FNDC3B: variants seen among roughly 807,000 people sequenced by gnomAD.
FNDC3B encodes fibronectin type III domain-containing protein 3B.
FNDC3B carries 12 observed loss-of-function variants against 151.5 expected under a neutral mutation model. That is an observed-to-expected ratio of 0.08 (90% CI 0.05 to 0.13). The LOEUF (loss-of-function observed/expected upper bound fraction) is 0.13. Ranked by LOEUF, FNDC3B falls within the 10% of genes least tolerant of loss-of-function variation. The pLI is 1.00. For synonymous variants in FNDC3B, 528 were observed against 549.0 expected, an observed-to-expected ratio of 0.96 and a Z score of 0.54; for missense variants, 1,214 against 1,505.3, an observed-to-expected ratio of 0.81 and a Z score of 3.20.
At chr3:172,351,004 T>G (rs770107451) in intron 21 of FNDC3B, among the ~76,000 whole-genome samples, 4 of 152,244 alleles carry the variant, frequency 2.6e-5, no homozygotes, top group Non-Finnish European at 5.9e-5. Flanking sequence ...GAAAATCTTT[T>G]TGATAACATT....
At chr3:172,166,189 G>T (rs1262808293) in intron 3 of FNDC3B, among the ~76,000 whole-genome samples, 1 of 152,164 alleles carries the variant, frequency 6.6e-6, no homozygotes, top group Non-Finnish European at 1.5e-5. Context: ...CATCGGAATT[G>T]GGAAGGCCAC....
intron 11 of FNDC3B, among the ~76,000 whole-genome samples, chr3:172,324,230 A>G (rs1291769590): frequency 1.3e-5 from 2 of 151,996 alleles, no homozygotes; most frequent in African/African-American, 4.8e-5. Context: ...GGAAGGGCTG[A>G]TCTGATGCAT....
In FNDC3B at chr3:172,050,733, G is replaced by GTGTGTGTATA. The variant is rs397991660; in HGVS notation, c.-29+10963_-29+10964insGTGTGTATAT. ...TGTGTGTGTGTGTGTGTGTGTGTGT[G>GTGTGTGTATA]TATAGTGTGTATATATACTATATAT... On this transcript the variant is annotated intron_variant, in intron 1 of 25. Coordinates refer to ENST00000415807, the MANE Select transcript of FNDC3B (RefSeq NM_022763.4). 2.0e-3 allele frequency among the ~76,000 whole-genome samples: 278 copies of GTGTGTGTATA among 137,904 alleles called. 2 individuals are homozygous for GTGTGTGTATA. The highest frequency in any genetic ancestry group is 0.011 in the East Asian group (53 of 4,688). The allele number at this position is 137,904 out of a possible 152,430, so 90.5% of individuals were successfully genotyped here. A position where few individuals can be genotyped will look rare whatever the true frequency, so the allele number is the denominator to read the frequency against.
At chr3:172,149,405 A>G (rs1442150476) in intron 3 of FNDC3B, among the ~76,000 whole-genome samples, 2 of 152,216 alleles carry the variant, frequency 1.3e-5, no homozygotes, top group Admixed American at 1.3e-4. Context: ...TCCATTGATC[A>G]GGGGTTCAGT....
chr3:172,336,279 C>T (rs1006424841), intron 15 of FNDC3B, among the ~76,000 whole-genome samples: 1 of 152,120 alleles, frequency 6.6e-6, no homozygotes, highest in African/African-American at 2.4e-5. Flanking sequence ...AGGGTACATT[C>T]TTTATAGTTT....
rs1195281476 is a variant in FNDC3B, at chr3:172,239,853, G to GTTTTT, written c.265-7678_265-7677insTTTTT. Among the ~76,000 whole-genome samples, 147 of 65,866 alleles carry GTTTTT rather than the reference G, an allele frequency of 2.2e-3. 8 individuals are homozygous for GTTTTT. The highest frequency in any genetic ancestry group is 7.6e-3 in the African/African-American group (135 of 17,684). The allele number at this position is 65,866 out of a possible 152,430, so 43.2% of individuals were successfully genotyped here. On this transcript the variant is annotated intron_variant, in intron 4 of 25. Transcript: ENST00000415807. The stretch of plus-strand genomic sequence containing the variant: ...AAATGTTTTTAGGAGATCCATTTTA[G>GTTTTT]TTCTTTTTTTTTTTTTTTTTTTTTT...
chr3:172,128,953 T>G (rs776689367), intron 2 of FNDC3B, among the ~76,000 whole-genome samples: 39 of 152,296 alleles, frequency 2.6e-4, no homozygotes, highest in Middle Eastern at 3.4e-3. Context: ...CTTTGGTCAG[T>G]TGGTACTCTT....
intron 23 of FNDC3B, among the ~76,000 whole-genome samples, chr3:172,363,719 C>T (rs575134454): frequency 6.6e-5 from 10 of 152,312 alleles, no homozygotes; most frequent in Middle Eastern, 6.8e-3. Context: ...TCTAGTTACA[C>T]GGAAAACCCT....
Position 172,160,980 on chromosome 3 carries a change from A to G in FNDC3B, c.187+27434A>G, listed in dbSNP as rs138784722. ...AAAGAAATAAAAGAGAAACAGCATA[A>G]GATTACCAAAAAAGGAGGGAACCAG... On this transcript the variant is annotated intron_variant, in intron 3 of 25. Transcript: ENST00000415807. Among the ~76,000 whole-genome samples the G allele has an allele frequency of 4.5e-3, 683 of 152,358 alleles. 4 individuals carry two copies. The highest frequency in any genetic ancestry group is 0.016 in the African/African-American group (652 of 41,586).
At chr3:172,158,175 T>TA (rs1157159970) in intron 3 of FNDC3B, among the ~76,000 whole-genome samples, 1 of 152,210 alleles carries the variant, frequency 6.6e-6, no homozygotes, top group East Asian at 1.9e-4. Flanking sequence ...GTAGTCTTGT[T>TA]ACAGCAGCCT....
chr3:172,283,618 G>A (rs1729854701), intron 6 of FNDC3B, among the ~76,000 whole-genome samples: 1 of 152,222 alleles, frequency 6.6e-6, no homozygotes, highest in Non-Finnish European at 1.5e-5. Flanking sequence ...ACATAACTAT[G>A]TGAGTGTTTG....
intron 1 of FNDC3B, among the ~76,000 whole-genome samples, chr3:172,045,250 T>C (rs935870988): frequency 6.6e-6 from 1 of 152,204 alleles, no homozygotes; most frequent in African/African-American, 2.4e-5. Flanking sequence ...AAGCTTTAGA[T>C]GTTGTATTTT....
At chr3:172,267,063 A>C (rs1011081318) in intron 6 of FNDC3B, among the ~76,000 whole-genome samples, 1 of 152,222 alleles carries the variant, frequency 6.6e-6, no homozygotes, top group African/African-American at 2.4e-5. Flanking sequence ...TAGCAGCAGC[A>C]AGTATCTGTC....
intron 8 of FNDC3B, among the ~76,000 whole-genome samples, chr3:172,297,637 G>C (rs1730690344): frequency 6.6e-6 from 1 of 152,114 alleles, no homozygotes; most frequent in Admixed American, 6.5e-5. Flanking sequence ...ACCACGCCCG[G>C]CTAATTTTTT....
At chr3:172,203,931 TCAGA>T (rs1450859174) in intron 3 of FNDC3B, among the ~76,000 whole-genome samples, 3 of 152,224 alleles carry the variant, frequency 2.0e-5, no homozygotes, top group Non-Finnish European at 4.4e-5. Context: ...ATTGTGACTG[TCAGA>T]CAAAGGCATT....
At chr3:172,099,877 A>G (rs1338884366) in intron 1 of FNDC3B, among the ~76,000 whole-genome samples, 1 of 152,226 alleles carries the variant, frequency 6.6e-6, no homozygotes, top group Non-Finnish European at 1.5e-5. Context: ...GTTTTTACGT[A>G]TAACTTGCTT....
chr3:172,051,639 A>G (rs779090119), intron 1 of FNDC3B, among the ~76,000 whole-genome samples: 1 of 152,146 alleles, frequency 6.6e-6, no homozygotes, highest in Non-Finnish European at 1.5e-5. Context: ...TCAAAATCTC[A>G]TAAATCACCG....
At chr3:172,392,877 GCTCACTAAAAC>G (rs1307860241) in intron 25 of FNDC3B, among the ~76,000 whole-genome samples, 5 of 133,780 alleles carry the variant, frequency 3.7e-5, no homozygotes, top group Non-Finnish European at 4.7e-5. Flanking sequence ...CACAATCTCG[GCTCACTAAAAC>G]CTCCACCTCC....
At chr3:172,189,504 T>C (rs1724389545) in intron 3 of FNDC3B, among the ~76,000 whole-genome samples, 1 of 152,094 alleles carries the variant, frequency 6.6e-6, no homozygotes, top group Non-Finnish European at 1.5e-5. Context: ...TAAATGAGAG[T>C]TCCAGAAAAC....
Sources: gnomAD v4.1 joint callset for allele counts (sites outside exome capture counted in the v4.1 genomes callset) on GRCh38, gnomAD v4.1.1 for gene constraint, MANE v1.5 for transcripts, NCBI Gene and HGNC (gene_info 2026-07-23, HGNC 2026-07-21) for gene names.